Variants in PLXNA4 observed in about 807,000 individuals in gnomAD.
PLXNA4 encodes plexin A4.
Under a neutral mutation model 191.8 loss-of-function variants are expected in PLXNA4, and 44 were observed. The observed-to-expected ratio is 0.23, with a 90% CI of 0.18 to 0.29. PLXNA4 has a LOEUF of 0.29. PLXNA4 is among the 10% of genes least tolerant of loss of function. The pLI, the probability that PLXNA4 is intolerant of heterozygous loss-of-function variation, is 1.00. For missense variants in PLXNA4, 1,800 were observed against 2,488.8 expected, an observed-to-expected ratio of 0.72 and a Z score of 5.89; for synonymous variants, 1,082 against 1,009.5, an observed-to-expected ratio of 1.07 and a Z score of -1.36.
In PLXNA4 at chr7:132,298,228, GAGA is replaced by G. The variant is rs781543811; in HGVS notation, c.1372-9_1372-7del. The G allele has an allele frequency of 1.1e-5, 17 of 1,609,514 alleles. No homozygotes were observed. The highest frequency in any genetic ancestry group is 6.7e-5 in the East Asian group (3 of 44,840). On this transcript the variant is annotated splice_polypyrimidine_tract_variant and splice_region_variant and intron_variant, in intron 3 of 31. Transcript: ENST00000321063. ...CTGGGTCCATCCACCCGGATCTGTGGAGAAGAAGAGGAGAGCCAAAGTGAGTTC... is the reference window on the plus strand; with the variant it reads ...CTGGGTCCATCCACCCGGATCTGTGGAGAAGAGGAGAGCCAAAGTGAGTTC...
At chr7:132,454,164 G>T (rs947697159) in intron 3 of PLXNA4, among the ~76,000 whole-genome samples, 2 of 152,208 alleles carry the variant, frequency 1.3e-5, no homozygotes, top group East Asian at 1.9e-4. Flanking sequence ...GAGCACCCAT[G>T]TTGGGCACTG....
chr7:132,211,581 C>T (rs895976399), intron 9 of PLXNA4, among the ~76,000 whole-genome samples: 5 of 152,228 alleles, frequency 3.3e-5, no homozygotes, highest in African/African-American at 1.2e-4. Context: ...AGGCAAAGCC[C>T]TGGGCCCTGT....
chr7:132,391,020 G>C (rs1805387881), intron 3 of PLXNA4, among the ~76,000 whole-genome samples: 1 of 152,194 alleles, frequency 6.6e-6, no homozygotes, highest in Non-Finnish European at 1.5e-5. Context: ...CACAGTCTTA[G>C]GGAGTTTCCC....
chr7:132,524,215 G>A (rs767550824), intron 1 of PLXNA4, among the ~76,000 whole-genome samples: 4 of 152,192 alleles, frequency 2.6e-5, no homozygotes, highest in African/African-American at 7.2e-5. Flanking sequence ...GTCCTTGGCT[G>A]GAAGAACGGG....
chr7:132,610,604 C>T (rs905694283), intron 2 of PLXNA4, among the ~76,000 whole-genome samples: 1 of 152,234 alleles, frequency 6.6e-6, no homozygotes, highest in Non-Finnish European at 1.5e-5. Context: ...AACATTCAGC[C>T]TCTACAATGT....
intron 1 of PLXNA4, among the ~76,000 whole-genome samples, chr7:132,535,321 T>C (rs1319817465): frequency 6.6e-6 from 1 of 152,204 alleles, no homozygotes; most frequent in Non-Finnish European, 1.5e-5. Flanking sequence ...CAAACGTCAT[T>C]CCCCAACTTT....
intron 1 of PLXNA4, among the ~76,000 whole-genome samples, chr7:132,559,077 G>A (rs1800919486): frequency 6.6e-6 from 1 of 152,116 alleles, no homozygotes; most frequent in South Asian, 2.1e-4. Flanking sequence ...CCTTCTTAGA[G>A]CCCCAGGCCT....
rs759964697 is a variant in PLXNA4 at position 132,631,961 on chromosome 7, A to AT, written c.-87+13966dup. ...ATTAATTAGTGGAGGAAGATCGGGC[A>AT]TAGTGGCTCATGCCTGTAATCCCAG... is the stretch of plus-strand genomic sequence containing the variant. On this transcript the variant is annotated intron_variant, in intron 2 of 4. Transcript: ENST00000378539. 2.6e-5 allele frequency among the ~76,000 whole-genome samples: 4 copies of AT among 152,188 alleles called. No individual in the cohort carries two copies. In the South Asian group the frequency reaches 6.2e-4, roughly 24 times the overall value.
chr7:132,148,578 C>T lies in PLXNA4; in HGVS notation c.4729G>A (p.Asp1577Asn), dbSNP rs762943057. 6.2e-7 allele frequency: 1 copy of T among 1,614,176 alleles called. No individual in the cohort carries two copies. ...GCCAGTGTGTTCAGTCGCTTCCAAT[C>T]ATTCTCAATCTTGGTGGTGATGTCT... ...DEDITTKIENDWKRLNTLAHY... is the reference protein window; with the variant it reads ...DEDITTKIENNWKRLNTLAHY... Residue 1577 changes from aspartate to asparagine, a missense_variant, in exon 26 of 32, where the codon GAT (aspartate) becomes AAT (asparagine). By Grantham distance (23) the Asp-to-Asn change is conservative. Transcript: ENST00000321063.
chr7:132,133,199 C>T lies in PLXNA4; in HGVS notation c.5439G>A (p.Arg1813=), dbSNP rs772471017. 13 of 1,613,794 alleles carry T rather than the reference C, an allele frequency of 8.1e-6. No individual in the cohort carries two copies. In the South Asian group the frequency reaches 1.4e-4, roughly 18 times the overall value. ...DIPSYKNWVE[R]YYSDIGKMPA... Reference sequence around the variant, plus strand: ...GCATCTTCCCTATGTCTGAGTAATACCTGTGGAGGGATGGAAATAGGGAGA... The same window carrying T: ...GCATCTTCCCTATGTCTGAGTAATATCTGTGGAGGGATGGAAATAGGGAGA... Residue 1813 remains arginine (R), a splice_region_variant and synonymous_variant, in exon 31 of 32, where the codon AGG becomes AGA. Transcript: ENST00000321063.
chr7:132,212,068 C>G (rs1797820893), intron 9 of PLXNA4, among the ~76,000 whole-genome samples: 1 of 152,176 alleles, frequency 6.6e-6, no homozygotes. Flanking sequence ...TTCCATAACA[C>G]AAGCATGGCC....
intron 2 of PLXNA4, among the ~76,000 whole-genome samples, chr7:132,494,068 G>A (rs2117561086): frequency 6.6e-6 from 1 of 152,276 alleles, no homozygotes; most frequent in Non-Finnish European, 1.5e-5. Context: ...GTTCACTCTT[G>A]TTGTTTGTTG....
chr7:132,314,461 C>T (rs1801865696), intron 3 of PLXNA4, among the ~76,000 whole-genome samples: 1 of 152,196 alleles, frequency 6.6e-6, no homozygotes, highest in African/African-American at 2.4e-5. Flanking sequence ...TGCCAATGCC[C>T]ATGACCGGGG....
chr7:132,213,224 T>C (rs1029796336), intron 9 of PLXNA4, among the ~76,000 whole-genome samples: 3 of 152,048 alleles, frequency 2.0e-5, no homozygotes, highest in Non-Finnish European at 4.4e-5. Flanking sequence ...GAAAGTAGAA[T>C]GGTGATGTCT....
chr7:132,313,709 A>T (rs1251069065), intron 3 of PLXNA4, among the ~76,000 whole-genome samples: 1 of 152,054 alleles, frequency 6.6e-6, no homozygotes, highest in Non-Finnish European at 1.5e-5. Context: ...TGACTGAATG[A>T]CTTTCTGCTT....
At chr7:132,505,211 C>T (rs1044408247) in intron 2 of PLXNA4, among the ~76,000 whole-genome samples, 8 of 152,238 alleles carry the variant, frequency 5.3e-5, no homozygotes, top group African/African-American at 1.9e-4. Context: ...CGGCATTAGC[C>T]TGTCTTGCAA....
chr7:132,204,736 T>C (rs1797555631), intron 10 of PLXNA4, among the ~76,000 whole-genome samples: 1 of 152,144 alleles, frequency 6.6e-6, no homozygotes, highest in Non-Finnish European at 1.5e-5. Context: ...GGCTACTGCC[T>C]CTGGGCAGGG....
rs768934938 is a variant in PLXNA4 at position 132,198,614 on chromosome 7, C to A, written c.2609G>T (p.Arg870Leu). The A allele has an allele frequency of 6.2e-7, 1 of 1,614,056 alleles. No homozygotes were observed. Among genetic ancestry groups the A allele is most frequent in the African/African-American group, 1.3e-5 (1 of 74,936 alleles). Residue 870 changes from arginine to leucine, a missense_variant, in exon 13 of 32, where the codon CGG (arginine) becomes CTG (leucine). Arg to Leu is a moderately radical substitution (Grantham distance 102). This residue lies in a region of PLXNA4 where 1,397 missense variants were observed against 1,880.4 expected (regional missense o/e 0.74). Coordinates refer to ENST00000321063, the MANE Select transcript of PLXNA4 (RefSeq NM_020911.2). ...ITEIIPVTGPREGGTKVTIRG... is the reference protein window; with the variant it reads ...ITEIIPVTGPLEGGTKVTIRG... ...GATAGTGACCTTGGTGCCCCCTTCCCGGGGGCCTGTCACCGGGATTATCTG... is the reference window on the plus strand; with the variant it reads ...GATAGTGACCTTGGTGCCCCCTTCCAGGGGGCCTGTCACCGGGATTATCTG...
intron 1 of PLXNA4, among the ~76,000 whole-genome samples, chr7:132,520,299 C>G (rs1269544809): frequency 6.6e-6 from 1 of 152,196 alleles, no homozygotes; most frequent in Non-Finnish European, 1.5e-5. Context: ...TATTTTCTCC[C>G]TTAGATAAAA....
Sources: allele counts gnomAD v4.1 joint callset (sites outside exome capture counted in the v4.1 genomes callset), GRCh38; gene constraint gnomAD v4.1.1; regional missense constraint gnomAD v4.1.1; transcripts MANE v1.5; gene names NCBI Gene and HGNC (gene_info 2026-07-23, HGNC 2026-07-21).